IQCM: variants seen among roughly 807,000 people sequenced by gnomAD.
IQCM encodes IQ domain-containing protein M.
A neutral mutation model predicts 57.6 loss-of-function variants in IQCM; 45 were observed. The ratio of observed to expected loss-of-function variants is 0.78; its 90% CI spans 0.62 to 1.00. The LOEUF is 1.00. IQCM is among the 50% of genes least tolerant of loss of function. The pLI is 0.00. For synonymous variants in IQCM, 148 were observed against 158.9 expected (o/e 0.93, Z 0.51); for missense variants, 468 against 511.6 (o/e 0.91, Z 0.82).
chr4:149,714,668 A>G (rs148352967), intron 5 of IQCM, among the ~76,000 whole-genome samples: 152 of 152,346 alleles, frequency 1.0e-3, no homozygotes, highest in African/African-American at 3.4e-3. Flanking sequence ...CATTAGGCAC[A>G]GTAAAAGATT....
chr4:149,363,098 T>A (rs2110929672), intron 13 of IQCM, among the ~76,000 whole-genome samples: 1 of 152,346 alleles, frequency 6.6e-6, no homozygotes, highest in South Asian at 2.1e-4. Context: ...AAAGCTATCC[T>A]CTTAAACAAT....
intron 2 of IQCM, among the ~76,000 whole-genome samples, chr4:149,794,455 T>A (rs968906779): frequency 2.6e-5 from 4 of 152,210 alleles, no homozygotes; most frequent in Non-Finnish European, 5.9e-5. Context: ...CAAGTATATA[T>A]AGTTTATGTT....
intron 7 of IQCM, among the ~76,000 whole-genome samples, chr4:149,645,649 T>C (rs1758567329): frequency 6.6e-6 from 1 of 152,204 alleles, no homozygotes; most frequent in South Asian, 2.1e-4. Context: ...ATCCCTTCTT[T>C]TTCCATTCAT....
intron 8 of IQCM, among the ~76,000 whole-genome samples, chr4:149,606,504 G>A (rs1306934498): frequency 1.3e-5 from 2 of 152,058 alleles, no homozygotes; most frequent in East Asian, 3.9e-4. Context: ...ACAGACATCA[G>A]TGAACATCCA....
chr4:149,357,370 T>G (rs757199324), intron 13 of IQCM, among the ~76,000 whole-genome samples: 34 of 152,202 alleles, frequency 2.2e-4, no homozygotes, highest in Admixed American at 1.0e-3. Context: ...AGTATGATAT[T>G]GGCTGTGGGT....
At position 149,686,398 on chromosome 4, in the gene IQCM, T is replaced by C; in HGVS notation, c.456A>G (p.Gln152=). 1 of 1,223,784 alleles carries C rather than the reference T, an allele frequency of 8.2e-7. No individual in the cohort carries two copies. The highest frequency in any genetic ancestry group is 3.1e-4 in the Middle Eastern group (1 of 3,182). The allele number at this position is 1,223,784 out of a possible 1,614,324, so 75.8% of individuals were successfully genotyped here. ...PVSKKMETAK[Q]QHFEESRNRM... ...ATTACCTGGACTCCTCAAAGTGCTG[T>C]TGCTTTGCTGTCTCCATTTTTTTAC... The change falls in exon 6 of 14, where the codon CAA becomes CAG. Residue 152 remains glutamine (Q), a synonymous_variant. Coordinates refer to ENST00000636793, the MANE Select transcript of IQCM (RefSeq NM_001363507.2).
intron 2 of IQCM, among the ~76,000 whole-genome samples, chr4:149,764,018 T>C (rs1268776815): frequency 6.6e-6 from 1 of 152,088 alleles, no homozygotes; most frequent in African/African-American, 2.4e-5. Context: ...AATTACCTTG[T>C]GAACAAAAGT....
chr4:149,742,632 G>A, intron 3 of IQCM, 23 bp downstream of exon 3: 2 of 1,220,510 alleles, frequency 1.6e-6, no homozygotes, highest in Non-Finnish European at 2.0e-6. Flanking sequence ...CTTGTACTAT[G>A]TTAGGTAAGC....
intron 2 of IQCM, among the ~76,000 whole-genome samples, chr4:149,775,136 ACTTT>A (rs1770969084): frequency 6.6e-6 from 1 of 151,756 alleles, no homozygotes; most frequent in Non-Finnish European, 1.5e-5. Flanking sequence ...AAACTAAACT[ACTTT>A]CTTTCATCCT....
intron 13 of IQCM, among the ~76,000 whole-genome samples, chr4:149,414,625 G>GC (rs536530548): frequency 6.6e-6 from 1 of 151,518 alleles, no homozygotes; most frequent in African/African-American, 2.4e-5. Flanking sequence ...CTTTTTAAGT[G>GC]CCCCCATGAT....
chr4:149,425,102 T>C (rs533761997), intron 13 of IQCM, among the ~76,000 whole-genome samples: 7 of 152,128 alleles, frequency 4.6e-5, no homozygotes, highest in African/African-American at 1.7e-4. Flanking sequence ...TGATAATAGC[T>C]ATCATATAGA....
intron 12 of IQCM, among the ~76,000 whole-genome samples, chr4:149,519,810 C>T (rs914342399): frequency 6.6e-6 from 1 of 151,852 alleles, no homozygotes; most frequent in Non-Finnish European, 1.5e-5. Context: ...CAAGACCTTC[C>T]TGGCTAACAC....
chr4:149,406,142 C>T lies in IQCM; in HGVS notation c.1390+27254G>A, dbSNP rs191400807. On this transcript the variant is annotated intron_variant, in intron 13 of 13. Transcript: ENST00000636793. ...GAAAATATCATTCCCATTGAACATA[C>T]GTGTTCTACCCTTAGCCAGGAACTG... is the stretch of plus-strand genomic sequence containing the variant. Among the ~76,000 whole-genome samples the T allele has an allele frequency of 1.3e-3, 191 of 151,950 alleles. 1 individual carries two copies. Among genetic ancestry groups the T allele is most frequent in the Admixed American group, 5.4e-3 (82 of 15,216 alleles).
chr4:149,667,894 A>ATATG (rs1760879744), intron 7 of IQCM, among the ~76,000 whole-genome samples: 2 of 152,000 alleles, frequency 1.3e-5, no homozygotes, highest in South Asian at 4.1e-4. Flanking sequence ...ATGAAAAGGA[A>ATATG]CAAAAAAAGC....
At chr4:149,562,307 G>A (rs995167213) in intron 10 of IQCM, among the ~76,000 whole-genome samples, 2 of 152,142 alleles carry the variant, frequency 1.3e-5, no homozygotes, top group Admixed American at 6.5e-5. Context: ...GTAGATGAAT[G>A]GAAGTTCTGA....
At chr4:149,495,300 G>A (rs1449330064) in intron 12 of IQCM, among the ~76,000 whole-genome samples, 1 of 152,044 alleles carries the variant, frequency 6.6e-6, no homozygotes, top group Non-Finnish European at 1.5e-5. Context: ...GAAAAGAATA[G>A]CTACCACGTA....
chr4:149,758,250 A>G (rs1016090003), intron 2 of IQCM, among the ~76,000 whole-genome samples: 1 of 152,200 alleles, frequency 6.6e-6, no homozygotes. Context: ...ATTTCAACAA[A>G]TGGTATGGAA....
At chr4:149,711,499 A>C (rs1347448237) in intron 5 of IQCM, among the ~76,000 whole-genome samples, 1 of 152,214 alleles carries the variant, frequency 6.6e-6, no homozygotes, top group Non-Finnish European at 1.5e-5. Flanking sequence ...GATTTTGATA[A>C]TGCATGGCTT....
intron 12 of IQCM, among the ~76,000 whole-genome samples, chr4:149,517,245 G>T (rs1258697851): frequency 6.6e-6 from 1 of 152,052 alleles, no homozygotes; most frequent in African/African-American, 2.4e-5. Context: ...GCAGAAACGA[G>T]GACTTAATTG....
Sources: gnomAD v4.1 joint callset for allele counts (sites outside exome capture counted in the v4.1 genomes callset) on GRCh38, gnomAD v4.1.1 for gene constraint, MANE v1.5 for transcripts, NCBI Gene and HGNC (gene_info 2026-07-23, HGNC 2026-07-21) for gene names.